The following SENP5 variants were observed in gnomAD, a reference collection of about 807,000 sequenced individuals.
The protein encoded by SENP5 is sentrin-specific protease 5.
In SENP5, 21 loss-of-function variants were observed where a neutral mutation model predicts 74.2. That is an observed-to-expected ratio of 0.28 (90% CI 0.20 to 0.41). The LOEUF (loss-of-function observed/expected upper bound fraction) is 0.41. SENP5 is among the 10% of genes least tolerant of loss of function. The pLI, the probability that SENP5 is intolerant of heterozygous loss-of-function variation, is 1.00. For synonymous variants in SENP5, 311 were observed against 312.7 expected (o/e 0.99, Z 0.06); for missense variants, 717 against 889.1 (o/e 0.81, Z 2.46).
chr3:196,919,690 G>A (rs1249304778), intron 6 of SENP5, among the ~76,000 whole-genome samples: 1 of 152,042 alleles, frequency 6.6e-6, no homozygotes, highest in Non-Finnish European at 1.5e-5. Flanking sequence ...CTACTTGGGA[G>A]GCTGAGGCAG....
At chr3:196,877,597 C>G (rs1713536027) in intron 1 of SENP5, among the ~76,000 whole-genome samples, 1 of 152,048 alleles carries the variant, frequency 6.6e-6, no homozygotes, top group African/African-American at 2.4e-5. Flanking sequence ...ATCACAGCAA[C>G]CAATAGATAC....
Position 196,914,586 on chromosome 3 carries a change from A to AAAAAAAAAAAAATATATATATAT in SENP5, c.1885-8827_1885-8826insAAAAAAAAAAATATATATATATA. On this transcript the variant is annotated intron_variant, in intron 6 of 9. Transcript: ENST00000323460. ...CTTTAAAAAAAAAAAAAAAAAAAAA[A>AAAAAAAAAAAAATATATATATAT]ATATATATATATATATATATATATA... 7.8e-4 allele frequency: 26 copies of AAAAAAAAAAAAATATATATATAT among 33,472 alleles called. 1 individual carries two copies. Among genetic ancestry groups the AAAAAAAAAAAAATATATATATAT allele is most frequent in the South Asian group, 3.3e-3 (2 of 602 alleles). The allele number at this position is 33,472 out of a possible 1,614,324, so 2.1% of individuals were successfully genotyped here.
intron 6 of SENP5, among the ~76,000 whole-genome samples, chr3:196,908,404 A>G (rs1714993190): frequency 6.6e-6 from 1 of 152,242 alleles, no homozygotes; most frequent in Non-Finnish European, 1.5e-5. Flanking sequence ...GAGAACAGAG[A>G]GACAATGTAC....
chr3:196,886,878 C>G (rs1398476523), intron 2 of SENP5, among the ~76,000 whole-genome samples, 184 bp downstream of exon 2: 1 of 152,154 alleles, frequency 6.6e-6, no homozygotes, highest in African/African-American at 2.4e-5. Flanking sequence ...CTTGTAGACA[C>G]TTGCATTGAT....
At chr3:196,922,670 G>T (rs35938540) in intron 6 of SENP5, among the ~76,000 whole-genome samples, 6,143 of 152,196 alleles carry the variant, frequency 0.04, 198 homozygotes, top group Non-Finnish European at 0.056. Context: ...ACCCAGGCTG[G>T]AGTGCAGTGG....
chr3:196,903,618 C>T lies in SENP5; in HGVS notation c.1884+8C>T. 1 of 1,539,556 alleles carries T rather than the reference C, an allele frequency of 6.5e-7. No individual in the cohort carries two copies. On this transcript the variant is annotated splice_region_variant and intron_variant, in intron 6 of 9. Transcript: ENST00000323460. ...AAAAGATGGACTAAAAAGGTATTCT[C>T]TTTATTTCTTTTTTATTCCAAATTT...
At chr3:196,906,327 A>G (rs140306960) in intron 6 of SENP5, among the ~76,000 whole-genome samples, 326 of 152,358 alleles carry the variant, frequency 2.1e-3, no homozygotes, top group Admixed American at 3.9e-3. Flanking sequence ...AGTGCCAGAC[A>G]TTATAGTAAA....
In SENP5 at chr3:196,885,292, G is replaced by C; in HGVS notation, c.111G>C (p.Leu37Phe). ...GFKKFYFHQH[L>F]CILKAKLGRP... ...AGAAGTTTTATTTTCACCAACACTT[G>C]TGCATTCTGAAAGCTAAGCTGGGAA... is the stretch of plus-strand genomic sequence containing the variant. The change falls in exon 2 of 10, where the codon TTG becomes TTC. Residue 37 changes from leucine (L) to phenylalanine (F), a missense_variant. Transcript: ENST00000323460. 1 of 1,614,156 alleles carries C rather than the reference G, an allele frequency of 6.2e-7. No homozygotes were observed. The highest frequency in any genetic ancestry group is 8.5e-7 in the Non-Finnish European group (1 of 1,180,022).
rs187084092 is a variant in SENP5, at chr3:196,917,527, C to T, written c.1885-5887C>T. On this transcript the variant is annotated intron_variant, in intron 6 of 9. Coordinates refer to ENST00000323460, the MANE Select transcript of SENP5 (RefSeq NM_152699.5). ...CCTCAAGGCATTTAATAGTCAAACT[C>T]CCAAAGGTTGAGGATAAAGAAAGAA... 1.1e-4 allele frequency among the ~76,000 whole-genome samples: 16 copies of T among 152,118 alleles called. No homozygotes were observed. The East Asian group carries it at 3.1e-3, about 29-fold the overall frequency.
chr3:196,917,097 G>C (rs1294864357), intron 6 of SENP5, among the ~76,000 whole-genome samples: 1 of 152,034 alleles, frequency 6.6e-6, no homozygotes. Flanking sequence ...TCATGCCATT[G>C]CACTCCAGCC....
chr3:196,904,214 T>C (rs2108840655), intron 6 of SENP5, among the ~76,000 whole-genome samples: 1 of 152,276 alleles, frequency 6.6e-6, no homozygotes, highest in East Asian at 1.9e-4. Context: ...GAATACAAGG[T>C]AACTGGGATA....
At chr3:196,887,851 C>T (rs1714039770) in intron 2 of SENP5, among the ~76,000 whole-genome samples, 1 of 152,086 alleles carries the variant, frequency 6.6e-6, no homozygotes, top group African/African-American at 2.4e-5. Context: ...TCACTGCAAC[C>T]TCTGCTTCCC....
chr3:196,887,911 G>T (rs1714043686), intron 2 of SENP5, among the ~76,000 whole-genome samples: 1 of 151,988 alleles, frequency 6.6e-6, no homozygotes, highest in Non-Finnish European at 1.5e-5. Flanking sequence ...GAGACTACAG[G>T]CACACGCTAC....
At chr3:196,891,111 T>G (rs546093155) in intron 2 of SENP5, among the ~76,000 whole-genome samples, 2 of 152,350 alleles carry the variant, frequency 1.3e-5, no homozygotes, top group South Asian at 4.1e-4. Flanking sequence ...TGGAATATTA[T>G]TCTATAAAAG....
Position 196,884,456 on chromosome 3 carries a change from TAGAA to T in SENP5, c.-31-688_-31-685del, listed in dbSNP as rs544350577. On this transcript the variant is annotated intron_variant, in intron 1 of 9. Coordinates refer to ENST00000323460, the MANE Select transcript of SENP5 (RefSeq NM_152699.5). ...TAATATTAGCGAAGGCTCTTTAGTC[TAGAA>T]AGAAAGGCACCAGTCACTGCAGGTA... 2.3e-3 allele frequency among the ~76,000 whole-genome samples: 348 copies of T among 152,330 alleles called. 2 individuals carry two copies. The highest frequency in any genetic ancestry group is 7.8e-3 in the African/African-American group (324 of 41,582).
At chr3:196,887,202 A>G (rs963693056) in intron 2 of SENP5, among the ~76,000 whole-genome samples, 1 of 140,412 alleles carries the variant, frequency 7.1e-6, no homozygotes, top group Non-Finnish European at 1.6e-5. Context: ...TTTTTTTGAG[A>G]TGGAGTCTTA....
rs1716014850 is a variant in SENP5 at position 196,930,986 on chromosome 3, CCAAA to C, written c.*66_*69del. The C allele has an allele frequency of 3.0e-6, 3 of 1,002,334 alleles. No individual in the cohort carries two copies. Among genetic ancestry groups the C allele is most frequent in the Non-Finnish European group, 4.8e-6 (3 of 628,246 alleles). 62.1% of individuals were successfully genotyped at this position (1,002,334 alleles called of 1,614,324 possible). ...AGCAGATGGTTTGTTACTTGAATCT[CCAAA>C]CACTTAGTTGAATTTTTACAGATAT... On this transcript the variant is annotated 3_prime_UTR_variant, in exon 10 of 10. Coordinates refer to ENST00000323460, the MANE Select transcript of SENP5 (RefSeq NM_152699.5).
intron 6 of SENP5, among the ~76,000 whole-genome samples, chr3:196,920,574 T>A (rs2108860041): frequency 6.6e-6 from 1 of 152,302 alleles, no homozygotes; most frequent in East Asian, 1.9e-4. Flanking sequence ...ATAGAAGTAA[T>A]GAGAGAGGAC....
At chr3:196,872,795 T>C (rs1713272754) in intron 1 of SENP5, among the ~76,000 whole-genome samples, 3 of 152,194 alleles carry the variant, frequency 2.0e-5, no homozygotes, top group African/African-American at 4.8e-5. Flanking sequence ...GGCTACCGTA[T>C]TGGGCAGAGC....
Sources: allele counts gnomAD v4.1 joint callset (sites outside exome capture counted in the v4.1 genomes callset), GRCh38; gene constraint gnomAD v4.1.1; transcripts MANE v1.5; gene names NCBI Gene and HGNC (gene_info 2026-07-23, HGNC 2026-07-21).